Variants in FLI1 observed in about 807,000 individuals in gnomAD.
FLI1 encodes the protein Fli-1 proto-oncogene, ETS transcription factor.
Under a neutral mutation model 53.1 loss-of-function variants are expected in FLI1, and 13 were observed. That is an observed-to-expected ratio of 0.24 (90% CI 0.16 to 0.39). The LOEUF (loss-of-function observed/expected upper bound fraction) is 0.39, where lower values mean the gene tolerates loss of function less well. Among genes scored for constraint, FLI1 ranks in the 10% least tolerant of loss-of-function variants. The pLI is 1.00. For missense variants in FLI1, 424 were observed against 600.5 expected, an observed-to-expected ratio of 0.71 and a Z score of 3.07; for synonymous variants, 244 against 236.7, an observed-to-expected ratio of 1.03 and a Z score of -0.28.
chr11:128,764,092 C>A (rs1941236588), intron 2 of FLI1, among the ~76,000 whole-genome samples: 1 of 152,196 alleles, frequency 6.6e-6, no homozygotes, highest in African/African-American at 2.4e-5. Context: ...TGAGCCTGGG[C>A]TCAGATGTGC....
At chr11:128,802,868 C>A (rs1288378544) in intron 5 of FLI1, among the ~76,000 whole-genome samples, 1 of 152,236 alleles carries the variant, frequency 6.6e-6, no homozygotes, top group Non-Finnish European at 1.5e-5. Flanking sequence ...CAGATTTTTG[C>A]ATGCCTGCTC....
chr11:128,769,184 C>T (rs182661069), intron 3 of FLI1, among the ~76,000 whole-genome samples: 15 of 152,208 alleles, frequency 9.9e-5, no homozygotes, highest in Non-Finnish European at 2.1e-4. Flanking sequence ...AGTCCATTGG[C>T]TGGACACTCC....
intron 5 of FLI1, among the ~76,000 whole-genome samples, chr11:128,798,650 C>T (rs1435255734): frequency 1.3e-5 from 2 of 152,132 alleles, no homozygotes; most frequent in Non-Finnish European, 2.9e-5. Context: ...GATGTTTTTT[C>T]CCTGTGAGTT....
intron 1 of FLI1, among the ~76,000 whole-genome samples, chr11:128,726,978 C>T (rs373736312): frequency 5.3e-5 from 8 of 152,042 alleles, no homozygotes; most frequent in African/African-American, 1.9e-4. Context: ...GGTGCTGTGT[C>T]TTTGGGAAGG....
At chr11:128,703,356 A>G (rs1938418289) in intron 1 of FLI1, among the ~76,000 whole-genome samples, 1 of 152,216 alleles carries the variant, frequency 6.6e-6, no homozygotes, top group Admixed American at 6.5e-5. Context: ...CAATGTGTTT[A>G]TTGTAGCATT....
rs145226672 is a variant in FLI1, at chr11:128,760,058, G to A, written c.230+1732G>A. On this transcript the variant is annotated intron_variant, in intron 2 of 8. Coordinates refer to ENST00000527786, the MANE Select transcript of FLI1 (RefSeq NM_002017.5). ...ACCTTTCCAGATCCCAGGATTTCAGGAAGGCTCAGAGGTTCTGAGCCTGCA... is the reference window on the plus strand; with the variant it reads ...ACCTTTCCAGATCCCAGGATTTCAGAAAGGCTCAGAGGTTCTGAGCCTGCA... Among the ~76,000 whole-genome samples the A allele has an allele frequency of 8.8e-4, 134 of 152,208 alleles. 1 individual carries two copies. Among genetic ancestry groups the A allele is most frequent in the African/African-American group, 3.2e-3 (131 of 41,518 alleles).
At chr11:128,758,397 G>A (rs983251687) in intron 2 of FLI1, 71 bp downstream of exon 2, 3 of 1,322,010 alleles carry the variant, frequency 2.3e-6, no homozygotes, top group African/African-American at 1.4e-5. Flanking sequence ...AGTGGCTTCT[G>A]GCACTTAAGG....
intron 1 of FLI1, among the ~76,000 whole-genome samples, chr11:128,725,167 C>A (rs987845962): frequency 6.6e-6 from 1 of 152,222 alleles, no homozygotes; most frequent in Non-Finnish European, 1.5e-5. Context: ...TTATTTTGGG[C>A]TCTTCTAGCC....
chr11:128,748,344 C>A, intron 1 of FLI1: 1 of 807,434 alleles, frequency 1.2e-6, no homozygotes, highest in Non-Finnish European at 1.5e-6. Context: ...AACAAGACTC[C>A]TTGAAAAGTC....
At chr11:128,784,158 G>A (rs765327194) in intron 5 of FLI1, among the ~76,000 whole-genome samples, 1 of 151,380 alleles carries the variant, frequency 6.6e-6, no homozygotes, top group South Asian at 2.1e-4. Flanking sequence ...CTGATATTGG[G>A]CTTCAGATAT....
At position 128,781,852 on chromosome 11, in the gene FLI1, C is replaced by T. The variant is rs548527389; in HGVS notation, c.590-106C>T. On this transcript the variant is annotated intron_variant, in intron 4 of 8. Coordinates refer to ENST00000527786, the MANE Select transcript of FLI1 (RefSeq NM_002017.5). ...TTCCTAGGAGTCCTCTGTCCCTCTT[C>T]CCCTCTCCCCATCTCTTTCCCTTTC... 6 of 876,588 alleles carry T rather than the reference C, an allele frequency of 6.8e-6. No individual in the cohort carries two copies. The African/African-American group carries it at 9.9e-5, about 15-fold the overall frequency. The allele number at this position is 876,588 out of a possible 1,614,324, so 54.3% of individuals were successfully genotyped here. A position where few individuals can be genotyped will look rare whatever the true frequency, so the allele number is the denominator to read the frequency against.
intron 5 of FLI1, among the ~76,000 whole-genome samples, chr11:128,798,826 G>T (rs1206311990): frequency 2.6e-5 from 4 of 152,026 alleles, no homozygotes; most frequent in Non-Finnish European, 5.9e-5. Context: ...GAGCTTCAAG[G>T]CCAGGTGGCC....
chr11:128,748,321 G>T lies in FLI1; in HGVS notation c.19-9794G>T, dbSNP rs1454684601. On this transcript the variant is annotated intron_variant, in intron 1 of 8. Coordinates refer to ENST00000527786, the MANE Select transcript of FLI1 (RefSeq NM_002017.5). ...TGAAAGGGGAAAGGCACTTGGGAGGGGGAATGATGTTCAACAAGACTCCTT... is the reference window on the plus strand; with the variant it reads ...TGAAAGGGGAAAGGCACTTGGGAGGTGGAATGATGTTCAACAAGACTCCTT... The T allele has an allele frequency of 6.5e-6, 6 of 929,916 alleles. No individual in the cohort carries two copies. The East Asian group carries it at 4.7e-4, about 73-fold the overall frequency. The allele number at this position is 929,916 out of a possible 1,614,324, so 57.6% of individuals were successfully genotyped here.
intron 4 of FLI1, among the ~76,000 whole-genome samples, chr11:128,776,428 A>G (rs1010324973): frequency 3.3e-5 from 5 of 152,190 alleles, no homozygotes; most frequent in Non-Finnish European, 7.3e-5. Flanking sequence ...AGGCGGGTGG[A>G]TCACCTGAGG....
At chr11:128,751,525 TTTTA>T (rs1438993468) in intron 1 of FLI1, among the ~76,000 whole-genome samples, 2 of 151,712 alleles carry the variant, frequency 1.3e-5, no homozygotes, top group Non-Finnish European at 2.9e-5. Flanking sequence ...TATTTTTTAT[TTTTA>T]TTTATTTATT....
intron 5 of FLI1, among the ~76,000 whole-genome samples, chr11:128,796,074 G>A (rs191925113): frequency 2.0e-5 from 3 of 151,778 alleles, no homozygotes; most frequent in Admixed American, 2.0e-4. Flanking sequence ...GAGATGAGAG[G>A]CAAAGCAAGG....
At chr11:128,748,946 TTCTATTTG>T (rs1940528452) in intron 1 of FLI1, among the ~76,000 whole-genome samples, 1 of 152,238 alleles carries the variant, frequency 6.6e-6, no homozygotes, top group Non-Finnish European at 1.5e-5. Context: ...ATAATACATG[TTCTATTTG>T]ATCGTTCTCA....
intron 4 of FLI1, 27 bp downstream of exon 4, chr11:128,773,012 T>A: frequency 6.2e-7 from 1 of 1,604,648 alleles, no homozygotes; most frequent in Non-Finnish European, 8.5e-7. Flanking sequence ...TACCCAGGGC[T>A]GGGAGGAAGC....
rs890995104 is a variant in FLI1, at chr11:128,788,830, T to C, written c.655+6807T>C. On this transcript the variant is annotated intron_variant, in intron 5 of 8. Transcript: ENST00000527786. ...CCTCCATTCATTCATTTCTTTCTTA[T>C]GGAGAATCTTCTCTGCATAGAATAC... Among the ~76,000 whole-genome samples, 5 of 152,226 alleles carry C rather than the reference T, an allele frequency of 3.3e-5. 1 individual carries two copies. The highest frequency in any genetic ancestry group is 1.3e-4 in the Admixed American group (2 of 15,286).
Sources: gnomAD v4.1 joint callset for allele counts (sites outside exome capture counted in the v4.1 genomes callset) on GRCh38, gnomAD v4.1.1 for gene constraint, MANE v1.5 for transcripts, NCBI Gene and HGNC (gene_info 2026-07-23, HGNC 2026-07-21) for gene names.